CAPN14: variants seen among roughly 807,000 people sequenced by gnomAD.
The protein encoded by CAPN14 is calpain-14.
A neutral mutation model predicts 101.3 loss-of-function variants in CAPN14; 94 were observed. The ratio of observed to expected loss-of-function variants is 0.93; its 90% confidence interval spans 0.79 to 1.10. CAPN14 has a LOEUF of 1.10. Among genes scored for constraint, CAPN14 ranks in the 50% least tolerant of loss-of-function variants. CAPN14 has a pLI of 0.00. For synonymous variants in CAPN14, 338 were observed against 317.9 expected, an observed-to-expected ratio of 1.06 and a Z score of -0.67; for missense variants, 837 against 828.4, an observed-to-expected ratio of 1.01 and a Z score of -0.13.
At chr2:31,180,854 G>T (rs772019423) in intron 17 of CAPN14, 82 bp downstream of exon 17, 2 of 1,191,162 alleles carry the variant, frequency 1.7e-6, no homozygotes, top group East Asian at 2.6e-5. Context: ...GATTGGGGTT[G>T]GGATTCAAAT....
Position 31,189,465 on chromosome 2 carries a change from TG to T in CAPN14, c.1300del (p.Gln434ArgfsTer15). ...LYRMNKYHDD[Q>X]RRLPPEFFQR... The stretch of plus-strand genomic sequence containing the variant: ...GAAGAACTCAGGGGGCAGTCTCCTC[TG>T]GTCATCATGGTACTGTGGGTAGAGG... On this transcript the variant is annotated frameshift_variant, in exon 13 of 22. Transcript: ENST00000403897. LOFTEE classifies it high-confidence loss of function. The T allele has an allele frequency of 1.9e-6, 3 of 1,551,356 alleles. 1 individual carries two copies. The South Asian group carries it at 3.6e-5, about 18-fold the overall frequency.
At chr2:31,199,576 A>G in intron 6 of CAPN14, 44 bp from the exon 7 acceptor site, 2 of 1,492,404 alleles carry the variant, frequency 1.3e-6, no homozygotes, top group Non-Finnish European at 1.8e-6. Flanking sequence ...TGTTATGTAC[A>G]GCTTATTCTT....
chr2:31,193,489 G>C lies in CAPN14; in HGVS notation c.951-195C>G, dbSNP rs187888770. Among the ~76,000 whole-genome samples the C allele has an allele frequency of 2.1e-3, 302 of 146,248 alleles. 1 individual carries two copies. Among genetic ancestry groups the C allele is most frequent in the African/African-American group, 6.4e-3 (261 of 41,084 alleles). On this transcript the variant is annotated intron_variant, in intron 9 of 21. Transcript: ENST00000403897. ...CTAGATCCCTGTGAGGGTCCATCGT[G>C]GGGGGCTGGAGCTACTGAGAAGCCC...
At chr2:31,203,551 C>T (rs961145998) in intron 2 of CAPN14, among the ~76,000 whole-genome samples, 7 of 152,056 alleles carry the variant, frequency 4.6e-5, no homozygotes, top group African/African-American at 7.2e-5. Context: ...TTTCCTGATG[C>T]GATGCAGCCT....
chr2:31,212,048 TG>T (rs1181334326), intron 1 of CAPN14, among the ~76,000 whole-genome samples: 1 of 152,152 alleles, frequency 6.6e-6, no homozygotes, highest in African/African-American at 2.4e-5. Context: ...CCAGGCACAG[TG>T]GCTCACGTCT....
chr2:31,201,781 C>T, intron 5 of CAPN14, 81 bp downstream of exon 5: 1 of 1,504,794 alleles, frequency 6.6e-7, no homozygotes, highest in Non-Finnish European at 9.0e-7. Context: ...ATAAACTTTA[C>T]CTGACTCCAC....
chr2:31,180,381 G>A (rs1363227448), intron 17 of CAPN14, among the ~76,000 whole-genome samples: 1 of 152,130 alleles, frequency 6.6e-6, no homozygotes, highest in African/African-American at 2.4e-5. Flanking sequence ...TAGTATGGAT[G>A]ATCAAACATT....
intron 13 of CAPN14, among the ~76,000 whole-genome samples, chr2:31,188,730 A>T (rs1403505609): frequency 5.3e-5 from 8 of 152,198 alleles, no homozygotes; most frequent in Non-Finnish European, 1.2e-4. Flanking sequence ...TAGGCAAAAT[A>T]ATATGTTTGG....
intron 1 of CAPN14, among the ~76,000 whole-genome samples, chr2:31,216,648 C>A (rs1406867774): frequency 6.6e-6 from 1 of 152,102 alleles, no homozygotes; most frequent in Non-Finnish European, 1.5e-5. Flanking sequence ...GAAGATGTAC[C>A]CAGGCTGAAA....
At chr2:31,195,525 C>G (rs1214996635) in intron 8 of CAPN14, among the ~76,000 whole-genome samples, 1 of 152,110 alleles carries the variant, frequency 6.6e-6, no homozygotes, top group Non-Finnish European at 1.5e-5. Flanking sequence ...TTAGTAGAGA[C>G]GTGGTTTTAC....
rs1434510191 is a variant in CAPN14, at chr2:31,223,539, TTTC to T, written c.-53+2986_-53+2988del. Among the ~76,000 whole-genome samples, 706 of 138,720 alleles carry T rather than the reference TTTC, an allele frequency of 5.1e-3. 8 individuals are homozygous for T. Among genetic ancestry groups the T allele is most frequent in the African/African-American group, 0.021 (679 of 32,316 alleles). The allele number at this position is 138,720 out of a possible 152,430, so 91.0% of individuals were successfully genotyped here. Reference sequence around the variant, plus strand: ...AGCTTCTGTTTCTTTTTCTTTTTCTTTTCTTTTTTTTTTTTTTTTGAGATGGAG... The same window carrying T: ...AGCTTCTGTTTCTTTTTCTTTTTCTTTTTTTTTTTTTTTTTTGAGATGGAG... On this transcript the variant is annotated intron_variant and NMD_transcript_variant, in intron 2 of 21. Coordinates refer to the CAPN14 transcript ENST00000398824.
chr2:31,204,504 C>A (rs77349956), intron 2 of CAPN14, among the ~76,000 whole-genome samples: 6,766 of 152,184 alleles, frequency 0.044, 155 homozygotes, highest in African/African-American at 0.054. Flanking sequence ...TTCAGCCCCA[C>A]CCCCTGATCA....
intron 16 of CAPN14, among the ~76,000 whole-genome samples, chr2:31,181,398 TTTTCTTTC>T (rs538044256): frequency 0.093 from 12,593 of 134,754 alleles, 660 homozygotes; most frequent in Middle Eastern, 0.13. Flanking sequence ...TTCTTTCTTT[TTTTCTTTC>T]TTTCTTTCTT....
chr2:31,199,329 T>G, intron 7 of CAPN14, 141 bp downstream of exon 7: 1 of 740,244 alleles, frequency 1.4e-6, no homozygotes, highest in East Asian at 2.7e-5. Context: ...CCGCAGGAAA[T>G]AGATGCCGAG....
chr2:31,177,558 T>A (rs1295072675), intron 19 of CAPN14, among the ~76,000 whole-genome samples, 188 bp downstream of exon 19: 1 of 152,208 alleles, frequency 6.6e-6, no homozygotes, highest in Admixed American at 6.5e-5. Flanking sequence ...GTGCCACCCC[T>A]CCATCAATGT....
In CAPN14 at chr2:31,194,439, A is replaced by C. The variant is rs1681367083; in HGVS notation, c.920T>G (p.Leu307Arg). 2 of 1,551,474 alleles carry C rather than the reference A, an allele frequency of 1.3e-6. No homozygotes were observed. The highest frequency in any genetic ancestry group is 2.7e-5 in the African/African-American group (2 of 73,034). The change falls in exon 9 of 22, where the codon CTT (leucine) becomes CGT (arginine). Residue 307 changes from leucine (L) to arginine (R), a missense_variant. Coordinates refer to ENST00000403897, the MANE Select transcript of CAPN14 (RefSeq NM_001145122.2). ...TTCTCCGTCATTGTCTTTCCTCAGA[A>C]GCAGAATCTTCTCCTTGGGGCTCAG... Reference protein sequence around the residue: ...ELLSPKEKILLLRKDNDGEFW... With the variant: ...ELLSPKEKILRLRKDNDGEFW...
At chr2:31,216,813 G>T (rs1418445082) in intron 1 of CAPN14, among the ~76,000 whole-genome samples, 1 of 152,088 alleles carries the variant, frequency 6.6e-6, no homozygotes, top group Non-Finnish European at 1.5e-5. Flanking sequence ...CTCAGACAAG[G>T]GCAATTTCGA....
At chr2:31,196,149 T>C (rs1681461946) in intron 8 of CAPN14, among the ~76,000 whole-genome samples, 1 of 152,186 alleles carries the variant, frequency 6.6e-6, no homozygotes, top group South Asian at 2.1e-4. Context: ...ATATACTGGA[T>C]GGGATTAACA....
chr2:31,191,585 C>G (rs572238466), intron 11 of CAPN14, among the ~76,000 whole-genome samples, 178 bp from the exon 12 acceptor site: 1 of 152,154 alleles, frequency 6.6e-6, no homozygotes, highest in Non-Finnish European at 1.5e-5. Context: ...ACATTTTAAT[C>G]TATCATTGGA....
Sources: gnomAD v4.1 joint callset for allele counts (sites outside exome capture counted in the v4.1 genomes callset) on GRCh38, gnomAD v4.1.1 for gene constraint, MANE v1.5 for transcripts, NCBI Gene and HGNC (gene_info 2026-07-23, HGNC 2026-07-21) for gene names.